MAPRE1: variants seen among roughly 807,000 people sequenced by gnomAD.
The protein encoded by MAPRE1 is microtubule associated protein RP/EB family member 1.
MAPRE1 carries 5 observed loss-of-function variants against 32.1 expected under a neutral mutation model. That is an observed-to-expected ratio of 0.16 (90% confidence interval 0.08 to 0.33). The LOEUF is 0.33. MAPRE1 is among the 10% of genes least tolerant of loss of function. The pLI is 1.00. For synonymous variants in MAPRE1, 122 were observed against 118.9 expected (o/e 1.03, Z -0.17); for missense variants, 209 against 327.2 (o/e 0.64, Z 2.79).
At chr20:32,847,196 T>C (rs1983527767) in intron 6 of MAPRE1, among the ~76,000 whole-genome samples, 1 of 152,216 alleles carries the variant, frequency 6.6e-6, no homozygotes, top group Non-Finnish European at 1.5e-5. Context: ...TATCACGTCA[T>C]GTCTGGGTAT....
intron 5 of MAPRE1, among the ~76,000 whole-genome samples, chr20:32,841,153 G>A (rs907539442): frequency 2.0e-5 from 3 of 152,208 alleles, no homozygotes; most frequent in Non-Finnish European, 4.4e-5. Flanking sequence ...TGTGTGCCCC[G>A]TGGTCTTAGG....
intron 2 of MAPRE1, among the ~76,000 whole-genome samples, chr20:32,832,795 G>A (rs1983071853): frequency 7.0e-6 from 1 of 142,654 alleles, no homozygotes. Flanking sequence ...TTATTTTTGA[G>A]CCAGAGTTTC....
intron 2 of MAPRE1, 23 bp downstream of exon 2, chr20:32,826,071 T>C: frequency 1.3e-6 from 2 of 1,566,406 alleles, no homozygotes; most frequent in East Asian, 2.3e-5. Flanking sequence ...TGCTGGATCA[T>C]TTTTCTAGGA....
intron 1 of MAPRE1, among the ~76,000 whole-genome samples, chr20:32,825,188 A>G (rs560269552): frequency 2.1e-5 from 3 of 145,342 alleles, no homozygotes; most frequent in East Asian, 2.1e-4. Context: ...CAAACAAAAA[A>G]CCATTATCTG....
At chr20:32,825,723 A>T (rs1452096006) in intron 1 of MAPRE1, among the ~76,000 whole-genome samples, 1 of 152,080 alleles carries the variant, frequency 6.6e-6, no homozygotes, top group Non-Finnish European at 1.5e-5. Context: ...TGAACTTGGG[A>T]GGTTGCAGTT....
chr20:32,830,471 A>G (rs1000047232), intron 2 of MAPRE1, among the ~76,000 whole-genome samples: 1 of 152,172 alleles, frequency 6.6e-6, no homozygotes, highest in South Asian at 2.1e-4. Flanking sequence ...ATTTGGGGCC[A>G]TGATTCCATC....
intron 4 of MAPRE1, among the ~76,000 whole-genome samples, 160 bp downstream of exon 4, chr20:32,837,001 G>A (rs185681038): frequency 6.6e-6 from 1 of 152,302 alleles, no homozygotes; most frequent in East Asian, 1.9e-4. Context: ...GGCAGATAAC[G>A]GTGTGTGTCC....
intron 1 of MAPRE1, among the ~76,000 whole-genome samples, chr20:32,820,275 G>GGGTTTCTGGGCCGCC (rs1982654596): frequency 1.3e-5 from 2 of 151,978 alleles, no homozygotes; most frequent in Non-Finnish European, 2.9e-5. Context: ...CGCGGGGTGG[G>GGGTTTCTGGGCCGCC]GGTTTCTGGG....
rs758889318 is a variant in MAPRE1 at position 32,836,712 on chromosome 20, G to T, written c.346G>T (p.Asp116Tyr). 1 of 1,613,478 alleles carries T rather than the reference G, an allele frequency of 6.2e-7. No individual in the cohort carries two copies. The highest frequency in any genetic ancestry group is 1.3e-5 in the African/African-American group (1 of 74,866). ...CGTTCAGTGGTTCAAGAAGTTTTTCGATGCAAACTATGATGGAAAAGACTA... is the reference window on the plus strand; with the variant it reads ...CGTTCAGTGGTTCAAGAAGTTTTTCTATGCAAACTATGATGGAAAAGACTA... Reference protein sequence around the residue: ...EFVQWFKKFFDANYDGKDYDP... With the variant: ...EFVQWFKKFFYANYDGKDYDP... Residue 116 changes from aspartate to tyrosine, a missense_variant, in exon 4 of 7, where the codon GAT becomes TAT. Coordinates refer to ENST00000375571, the MANE Select transcript of MAPRE1 (RefSeq NM_012325.3).
At chr20:32,832,949 A>T (rs922663528) in intron 2 of MAPRE1, among the ~76,000 whole-genome samples, 6 of 151,436 alleles carry the variant, frequency 4.0e-5, no homozygotes, top group Admixed American at 1.3e-4. Flanking sequence ...TCTCAAAAAA[A>T]ATAAATAAAT....
In MAPRE1 at chr20:32,825,957, G is replaced by A. The variant is rs746222293; in HGVS notation, c.30G>A (p.Val10=). Residue 10 remains valine, a synonymous_variant, in exon 2 of 7, where the codon GTG becomes GTA. Coordinates refer to ENST00000375571, the MANE Select transcript of MAPRE1 (RefSeq NM_012325.3). MAVNVYSTS[V]TSDNLSRHDM... Reference sequence around the variant, plus strand: ...CAGTGAACGTATACTCAACGTCAGTGACCAGTGATAACCTAAGTCGACATG... The same window carrying A: ...CAGTGAACGTATACTCAACGTCAGTAACCAGTGATAACCTAAGTCGACATG... 1.2e-6 allele frequency: 2 copies of A among 1,607,986 alleles called. No homozygotes were observed. The highest frequency in any genetic ancestry group is 3.3e-5 in the Admixed American group (2 of 59,954).
At chr20:32,824,141 A>C (rs1478816769) in intron 1 of MAPRE1, among the ~76,000 whole-genome samples, 1 of 152,220 alleles carries the variant, frequency 6.6e-6, no homozygotes, top group Non-Finnish European at 1.5e-5. Flanking sequence ...GGTCAGTGTC[A>C]GACTTTGCAC....
Position 32,845,027 on chromosome 20 carries a change from GTATGTA to G in MAPRE1, c.598-1589_598-1584del, listed in dbSNP as rs1303084509. On this transcript the variant is annotated intron_variant, in intron 5 of 6. Coordinates refer to ENST00000375571, the MANE Select transcript of MAPRE1 (RefSeq NM_012325.3). ...TGTATGTATGTATGTATGTATGTAT[GTATGTA>G]TGAATGAATGAATGAATGATTGAAT... is the stretch of plus-strand genomic sequence containing the variant. Among the ~76,000 whole-genome samples the G allele has an allele frequency of 7.3e-4, 111 of 151,824 alleles. No homozygotes were observed. The Middle Eastern group carries it at 0.014, about 19-fold the overall frequency.
intron 4 of MAPRE1, among the ~76,000 whole-genome samples, chr20:32,838,038 G>A (rs1601168069): frequency 6.6e-6 from 1 of 152,120 alleles, no homozygotes; most frequent in African/African-American, 2.4e-5. Context: ...AGCCAAGATC[G>A]CACCACTACA....
chr20:32,832,307 C>G (rs772410541), intron 2 of MAPRE1, among the ~76,000 whole-genome samples: 5 of 152,022 alleles, frequency 3.3e-5, no homozygotes, highest in African/African-American at 7.3e-5. Context: ...CACAGTGAAG[C>G]CTGCTGTGAA....
At chr20:32,827,263 C>T (rs1435900734) in intron 2 of MAPRE1, among the ~76,000 whole-genome samples, 3 of 151,924 alleles carry the variant, frequency 2.0e-5, no homozygotes, top group African/African-American at 7.3e-5. Context: ...AAAAAATTAG[C>T]CGGGGGTGGT....
At chr20:32,824,942 A>G (rs1982799777) in intron 1 of MAPRE1, among the ~76,000 whole-genome samples, 1 of 151,972 alleles carries the variant, frequency 6.6e-6, no homozygotes, top group African/African-American at 2.4e-5. Flanking sequence ...ACCTGAGGTC[A>G]GGAGTTCTAG....
At chr20:32,819,915 G>A (rs1173170158), upstream of MAPRE1, 7 of 152,014 alleles carry the variant, frequency 4.6e-5, no homozygotes, top group East Asian at 5.8e-4. Context: ...GCGTAACGAG[G>A]GGGTGCGTGT....
At chr20:32,821,701 G>A (rs778236294) in intron 1 of MAPRE1, among the ~76,000 whole-genome samples, 87 of 152,204 alleles carry the variant, frequency 5.7e-4, no homozygotes, top group Middle Eastern at 3.2e-3. Context: ...GGTCCTTTCT[G>A]GTGGCACCTC....
Sources: allele counts gnomAD v4.1 joint callset (sites outside exome capture counted in the v4.1 genomes callset), GRCh38; gene constraint gnomAD v4.1.1; transcripts MANE v1.5; gene names NCBI Gene and HGNC (gene_info 2026-07-23, HGNC 2026-07-21).